CCBE1: variants seen among roughly 807,000 people sequenced by gnomAD.
CCBE1 encodes collagen and calcium binding EGF domains 1, also known as collagen and calcium-binding EGF domain-containing protein 1.
Under a neutral mutation model 50.0 loss-of-function variants are expected in CCBE1, and 37 were observed. The observed-to-expected ratio is 0.74, with a 90% confidence interval of 0.57 to 0.97. CCBE1 has a LOEUF of 0.97. CCBE1 is among the 50% of genes least tolerant of loss of function. The pLI, the probability that CCBE1 is intolerant of heterozygous loss-of-function variation, is 0.00. For missense variants in CCBE1, 538 were observed against 523.8 expected (o/e 1.03, Z -0.26); for synonymous variants, 234 against 203.7 (o/e 1.15, Z -1.27).
chr18:59,604,911 T>A (rs2053477489), intron 2 of CCBE1, among the ~76,000 whole-genome samples: 1 of 152,258 alleles, frequency 6.6e-6, no homozygotes, highest in South Asian at 2.1e-4. Context: ...TGGGGCAAGA[T>A]GCCCATCTTA....
chr18:59,672,897 T>C (rs1338903009), intron 2 of CCBE1, among the ~76,000 whole-genome samples: 1 of 152,098 alleles, frequency 6.6e-6, no homozygotes, highest in African/African-American at 2.4e-5. Context: ...TACAAATTGG[T>C]TTCAGTGTAT....
chr18:59,614,834 C>A (rs141279897), intron 2 of CCBE1, among the ~76,000 whole-genome samples: 1 of 152,228 alleles, frequency 6.6e-6, no homozygotes, highest in East Asian at 1.9e-4. Context: ...AACCTACATA[C>A]GTCTGTTTAT....
At chr18:59,653,050 G>C (rs919251067) in intron 2 of CCBE1, among the ~76,000 whole-genome samples, 1 of 152,176 alleles carries the variant, frequency 6.6e-6, no homozygotes, top group Admixed American at 6.5e-5. Flanking sequence ...CTATGAAAAG[G>C]CAGTGGCATT....
chr18:59,568,079 G>C (rs978908237), intron 2 of CCBE1: 5 of 152,132 alleles, frequency 3.3e-5, no homozygotes. Context: ...CAGGGCAAGA[G>C]TGGGTTTCTG....
At chr18:59,573,186 G>A (rs2052940511) in intron 2 of CCBE1, among the ~76,000 whole-genome samples, 1 of 150,718 alleles carries the variant, frequency 6.6e-6, no homozygotes, top group Admixed American at 6.6e-5. Context: ...TCGGGAGGCT[G>A]AGGCACCAGA....
intron 2 of CCBE1, among the ~76,000 whole-genome samples, chr18:59,669,072 G>A (rs951102963): frequency 6.6e-6 from 1 of 152,010 alleles, no homozygotes; most frequent in Non-Finnish European, 1.5e-5. Flanking sequence ...GTGACCTCAA[G>A]TGATCCACCC....
chr18:59,655,447 C>T (rs2054177007), intron 2 of CCBE1, among the ~76,000 whole-genome samples: 1 of 152,142 alleles, frequency 6.6e-6, no homozygotes. Flanking sequence ...GAGGGACAAG[C>T]TTCAAGGGCT....
At chr18:59,451,281 G>C (rs6567087) in intron 6 of CCBE1, among the ~76,000 whole-genome samples, 130,746 of 151,810 alleles carry the variant, frequency 0.86, 56,494 homozygotes, top group Middle Eastern at 0.94. Flanking sequence ...GGCAGCCACC[G>C]AGGGAGGCCA....
chr18:59,480,211 A>G lies in CCBE1; in HGVS notation c.240T>C (p.Phe80=), dbSNP rs1912507130. 6.3e-7 allele frequency: 1 copy of G among 1,598,608 alleles called. No homozygotes were observed. Among genetic ancestry groups the G allele is most frequent in the East Asian group, 2.2e-5 (1 of 44,706 alleles). ...CTTCTGGGATGCATTGTCCAAGAACAAATTTATATCCTTTGCAGCACTTTT... is the reference window on the plus strand; with the variant it reads ...CTTCTGGGATGCATTGTCCAAGAACGAATTTATATCCTTTGCAGCACTTTT... ...YRKKCCKGYK[F]VLGQCIPEDY... Residue 80 remains phenylalanine, a synonymous_variant, in exon 3 of 11, where the codon TTT becomes TTC. Transcript: ENST00000439986.
chr18:59,447,367 T>C (rs1910723969), intron 7 of CCBE1, among the ~76,000 whole-genome samples: 1 of 152,082 alleles, frequency 6.6e-6, no homozygotes, highest in Non-Finnish European at 1.5e-5. Flanking sequence ...ATTTCTGGGG[T>C]GATAGAAATG....
intron 2 of CCBE1, among the ~76,000 whole-genome samples, chr18:59,533,423 T>C (rs1052094727): frequency 1.6e-4 from 24 of 152,184 alleles, no homozygotes; most frequent in African/African-American, 5.5e-4. Flanking sequence ...TTTATAAAAA[T>C]AGAGATTATA....
At chr18:59,517,288 C>A (rs946264586) in intron 2 of CCBE1, among the ~76,000 whole-genome samples, 1 of 152,176 alleles carries the variant, frequency 6.6e-6, no homozygotes, top group African/African-American at 2.4e-5. Context: ...TGTGCCTTTA[C>A]ACTGTTGTTA....
chr18:59,662,941 T>C (rs2054304941), intron 2 of CCBE1, among the ~76,000 whole-genome samples: 1 of 152,062 alleles, frequency 6.6e-6, no homozygotes, highest in Admixed American at 6.6e-5. Context: ...AAAATAAACA[T>C]ATATAAGGTT....
At chr18:59,526,587 G>T (rs1914832174) in intron 2 of CCBE1, among the ~76,000 whole-genome samples, 1 of 152,164 alleles carries the variant, frequency 6.6e-6, no homozygotes, top group South Asian at 2.1e-4. Flanking sequence ...GGGATTACAG[G>T]TGTGAGCCAC....
At chr18:59,551,436 G>A (rs761063886) in intron 2 of CCBE1, among the ~76,000 whole-genome samples, 4 of 152,192 alleles carry the variant, frequency 2.6e-5, no homozygotes, top group Admixed American at 6.5e-5. Context: ...GTACAATGCT[G>A]TAGACTTTAT....
At chr18:59,462,716 G>A (rs937375058) in intron 5 of CCBE1, among the ~76,000 whole-genome samples, 1 of 151,814 alleles carries the variant, frequency 6.6e-6, no homozygotes, top group Non-Finnish European at 1.5e-5. Context: ...AATCTCTCTG[G>A]GCTTTTAGTG....
upstream of CCBE1, chr18:59,697,552 G>C (rs2054829576): frequency 4.7e-6 from 3 of 634,950 alleles, no homozygotes; most frequent in South Asian, 6.1e-5. Flanking sequence ...TGCAAACCCA[G>C]CAGAGAAGCA....
At position 59,602,168 on chromosome 18, in the gene CCBE1, C is replaced by T. The variant is rs555960981; in HGVS notation, c.212+94461G>A. Among the ~76,000 whole-genome samples the T allele has an allele frequency of 5.3e-5, 8 of 151,128 alleles. No homozygotes were observed. The East Asian group carries it at 1.6e-3, about 29-fold the overall frequency. ...ACACCACAAATTGGGTCCCATGAAG[C>T]TAATGAAAACGTAGGAAAAATGCAA... On this transcript the variant is annotated intron_variant, in intron 2 of 10. Coordinates refer to ENST00000439986, the MANE Select transcript of CCBE1 (RefSeq NM_133459.4).
At chr18:59,620,686 G>A (rs2053699897) in intron 2 of CCBE1, among the ~76,000 whole-genome samples, 1 of 152,162 alleles carries the variant, frequency 6.6e-6, no homozygotes. Flanking sequence ...GTTTTATAAA[G>A]GGGAGTTCCC....
Sources: allele counts gnomAD v4.1 joint callset (sites outside exome capture counted in the v4.1 genomes callset), GRCh38; gene constraint gnomAD v4.1.1; transcripts MANE v1.5; gene names NCBI Gene and HGNC (gene_info 2026-07-23, HGNC 2026-07-21).